Variants in DEPDC1B observed in about 807,000 individuals in gnomAD.
DEPDC1B encodes DEP domain-containing protein 1B.
In DEPDC1B, 51 loss-of-function variants were observed where a neutral mutation model predicts 66.5. That is an observed-to-expected ratio of 0.77 (90% CI 0.61 to 0.97). DEPDC1B has a LOEUF of 0.97. DEPDC1B is among the 50% of genes least tolerant of loss of function. DEPDC1B has a pLI of 0.00. For synonymous variants in DEPDC1B, 226 were observed against 223.6 expected (o/e 1.01, Z -0.10); for missense variants, 552 against 637.1 (o/e 0.87, Z 1.44).
Position 60,691,282 on chromosome 5 carries a change from G to A in DEPDC1B, c.49-4055C>T, listed in dbSNP as rs138417772. Among the ~76,000 whole-genome samples the A allele has an allele frequency of 7.7e-3, 1,168 of 152,132 alleles. 18 individuals carry two copies. The highest frequency in any genetic ancestry group is 0.027 in the African/African-American group (1,110 of 41,496). On this transcript the variant is annotated intron_variant, in intron 1 of 10. Transcript: ENST00000265036. ...TTAGTCAGGCTAGTCTTGAACTCCT[G>A]ACCTCAGGTAATGCACCCACCTCAG...
intron 1 of DEPDC1B, among the ~76,000 whole-genome samples, chr5:60,697,614 G>A (rs1312535990): frequency 6.6e-6 from 1 of 152,110 alleles, no homozygotes; most frequent in Non-Finnish European, 1.5e-5. Context: ...TTCAATGTTG[G>A]CTGCAATCAC....
chr5:60,686,980 T>C lies in DEPDC1B; in HGVS notation c.296A>G (p.Asp99Gly), dbSNP rs746163885. 2 of 1,614,240 alleles carry C rather than the reference T, an allele frequency of 1.2e-6. No homozygotes were observed. Among genetic ancestry groups the C allele is most frequent in the Non-Finnish European group, 8.5e-7 (1 of 1,180,042 alleles). ...KGKWGEEDFEDNRHLYRFPPS... is the reference protein window; with the variant it reads ...KGKWGEEDFEGNRHLYRFPPS... ...CCATTACCTGTATAAGTGACGATTG[T>C]CTTCAAAATCTTCCTCACCCCATTT... is the stretch of plus-strand genomic sequence containing the variant. The change falls in exon 2 of 11, where the codon GAC becomes GGC. Residue 99 changes from aspartate (D) to glycine (G), a missense_variant. By Grantham distance (94) the Asp-to-Gly change is moderately conservative. Transcript: ENST00000265036.
chr5:60,693,120 C>T (rs1754583252), intron 1 of DEPDC1B, among the ~76,000 whole-genome samples: 2 of 152,076 alleles, frequency 1.3e-5, no homozygotes, highest in Admixed American at 1.3e-4. Context: ...TACAACTCAA[C>T]AAATTTTTTG....
chr5:60,648,299 T>A (rs545579521), intron 2 of DEPDC1B, among the ~76,000 whole-genome samples: 1 of 152,260 alleles, frequency 6.6e-6, no homozygotes, highest in South Asian at 2.1e-4. Context: ...TAAGCAGACT[T>A]CATTAGTTTC....
intron 9 of DEPDC1B, among the ~76,000 whole-genome samples, chr5:60,602,213 A>C (rs1206890977): frequency 1.3e-5 from 2 of 152,070 alleles, no homozygotes; most frequent in African/African-American, 4.8e-5. Context: ...GGAAGAAAGT[A>C]AGGTAGGCAT....
chr5:60,648,460 G>A (rs757678454), intron 2 of DEPDC1B, among the ~76,000 whole-genome samples: 14 of 152,114 alleles, frequency 9.2e-5, no homozygotes, highest in African/African-American at 2.4e-4. Context: ...TTTCTCCCAC[G>A]GGATGTGCAC....
intron 2 of DEPDC1B, among the ~76,000 whole-genome samples, chr5:60,677,320 ACACACACTCTCTCTCTCT>A (rs752563028): frequency 0.016 from 1,736 of 107,644 alleles, 16 homozygotes; most frequent in Non-Finnish European, 0.023. Context: ...ACACACACAC[ACACACACTCTCTCTCTCT>A]CTCTCTCTCT....
At chr5:60,689,145 G>A in intron 1 of DEPDC1B, 1 of 432,270 alleles carries the variant, frequency 2.3e-6, no homozygotes, top group Non-Finnish European at 4.6e-6. Context: ...GCACATGGTT[G>A]AGAACTAAAA....
At chr5:60,628,041 G>A (rs988394993) in intron 7 of DEPDC1B, among the ~76,000 whole-genome samples, 2 of 152,118 alleles carry the variant, frequency 1.3e-5, no homozygotes, top group Non-Finnish European at 1.5e-5. Context: ...AATAAACTGT[G>A]CAATCAATCT....
intron 2 of DEPDC1B, 145 bp downstream of exon 2, chr5:60,686,817 C>G: frequency 1.9e-6 from 2 of 1,039,470 alleles, no homozygotes; most frequent in South Asian, 3.2e-5. Context: ...GCAACACATT[C>G]AGTTCTCCAC....
At chr5:60,640,610 C>T (rs1753166400) in intron 6 of DEPDC1B, among the ~76,000 whole-genome samples, 1 of 152,058 alleles carries the variant, frequency 6.6e-6, no homozygotes, top group Admixed American at 6.6e-5. Flanking sequence ...ACACAGTTAA[C>T]TTGGTTTTGC....
At chr5:60,609,870 T>G (rs1376222730) in intron 7 of DEPDC1B, among the ~76,000 whole-genome samples, 1 of 152,174 alleles carries the variant, frequency 6.6e-6, no homozygotes. Context: ...AATTAATTCA[T>G]ATCTCCCTCC....
intron 8 of DEPDC1B, among the ~76,000 whole-genome samples, 164 bp downstream of exon 8, chr5:60,605,523 CTTT>C (rs1752291105): frequency 6.6e-6 from 1 of 152,182 alleles, no homozygotes; most frequent in Non-Finnish European, 1.5e-5. Context: ...TCATTATGTT[CTTT>C]AAGACACTTA....
intron 7 of DEPDC1B, among the ~76,000 whole-genome samples, chr5:60,631,488 G>C (rs1176997918): frequency 6.6e-6 from 1 of 152,170 alleles, no homozygotes; most frequent in Non-Finnish European, 1.5e-5. Flanking sequence ...GGACTCTCCA[G>C]CTCCCTGCAA....
chr5:60,632,277 TG>T (rs1375557356), intron 7 of DEPDC1B, among the ~76,000 whole-genome samples: 1 of 152,156 alleles, frequency 6.6e-6, no homozygotes, highest in African/African-American at 2.4e-5. Flanking sequence ...GCCCGTGTCC[TG>T]GAAGCCACTC....
At chr5:60,688,301 C>T (rs544577681) in intron 1 of DEPDC1B, among the ~76,000 whole-genome samples, 1 of 151,968 alleles carries the variant, frequency 6.6e-6, no homozygotes, top group South Asian at 2.1e-4. Context: ...TTTGAAAGGA[C>T]CTAGAAGTTT....
intron 7 of DEPDC1B, among the ~76,000 whole-genome samples, chr5:60,618,746 C>T (rs1187086334): frequency 6.6e-6 from 1 of 152,188 alleles, no homozygotes; most frequent in Non-Finnish European, 1.5e-5. Context: ...TGAAACTATT[C>T]CAATCAATAG....
At chr5:60,650,016 T>A (rs1753408177) in intron 2 of DEPDC1B, among the ~76,000 whole-genome samples, 1 of 151,812 alleles carries the variant, frequency 6.6e-6, no homozygotes, top group South Asian at 2.1e-4. Flanking sequence ...CAAAGAAAAT[T>A]TAATAAAAAT....
intron 9 of DEPDC1B, among the ~76,000 whole-genome samples, chr5:60,602,156 T>G (rs1867702): frequency 1.5e-3 from 185 of 121,828 alleles, no homozygotes; most frequent in African/African-American, 1.9e-3. Flanking sequence ...GCAGGGAAGG[T>G]GGGAAGGAGG....
Sources: gnomAD v4.1 joint callset for allele counts (sites outside exome capture counted in the v4.1 genomes callset) on GRCh38, gnomAD v4.1.1 for gene constraint, MANE v1.5 for transcripts, NCBI Gene and HGNC (gene_info 2026-07-23, HGNC 2026-07-21) for gene names.